The following LMOD1 variants were observed in gnomAD, a reference collection of about 807,000 sequenced individuals.
The protein encoded by LMOD1 is leiomodin 1.
LMOD1 carries 8 observed loss-of-function variants against 36.5 expected under a neutral mutation model. The ratio of observed to expected loss-of-function variants is 0.22; its 90% CI spans 0.13 to 0.40. The LOEUF is 0.40. Ranked by LOEUF, LMOD1 falls within the 10% of genes least tolerant of loss-of-function variation. The pLI is 1.00. For synonymous variants in LMOD1, 284 were observed against 288.7 expected (o/e 0.98, Z 0.17); for missense variants, 630 against 751.1 (o/e 0.84, Z 1.88).
chr1:201,926,974 A>G (rs1681835788), intron 1 of LMOD1, among the ~76,000 whole-genome samples: 1 of 152,206 alleles, frequency 6.6e-6, no homozygotes, highest in South Asian at 2.1e-4. Context: ...AACAAACAAG[A>G]AAATTGACAA....
chr1:201,940,748 A>ATTTTTT (rs34009358), intron 1 of LMOD1, among the ~76,000 whole-genome samples: 1 of 125,248 alleles, frequency 8.0e-6, no homozygotes, highest in Non-Finnish European at 1.6e-5. Context: ...CACGCCCAGC[A>ATTTTTT]TTTTTTTTTT....
chr1:201,898,276 G>T lies in LMOD1; in HGVS notation c.*96C>A. Reference sequence around the variant, plus strand: ...TGGCAGAATAGGGACATCCACAGCAGGTCAGCCAGGGATGGGGTGGGCAGG... The same window carrying T: ...TGGCAGAATAGGGACATCCACAGCATGTCAGCCAGGGATGGGGTGGGCAGG... On this transcript the variant is annotated 3_prime_UTR_variant, in exon 3 of 3. Transcript: ENST00000367288. 7.8e-7 allele frequency: 1 copy of T among 1,287,250 alleles called. No individual in the cohort carries two copies. Among genetic ancestry groups the T allele is most frequent in the East Asian group, 2.5e-5 (1 of 40,786 alleles). 79.7% of individuals were successfully genotyped at this position (1,287,250 alleles called of 1,614,324 possible).
Position 201,896,862 on chromosome 1 carries a change from G to A in LMOD1, c.*1510C>T. 1 of 371,184 alleles carries A rather than the reference G, an allele frequency of 2.7e-6. No individual in the cohort carries two copies. The highest frequency in any genetic ancestry group is 5.4e-6 in the Non-Finnish European group (1 of 184,704). The allele number at this position is 371,184 out of a possible 1,614,324, so 23.0% of individuals were successfully genotyped here. A position where few individuals can be genotyped will look rare whatever the true frequency, so the allele number is the denominator to read the frequency against. ...TGCCCTCTGGTTTTGGTCAGACCTA[G>A]CACAGCGATCTTGCTTCCTAGCTGG... is the stretch of plus-strand genomic sequence containing the variant. On this transcript the variant is annotated 3_prime_UTR_variant, in exon 3 of 3. Coordinates refer to ENST00000367288, the MANE Select transcript of LMOD1 (RefSeq NM_012134.3).
At position 201,943,194 on chromosome 1, in the gene LMOD1, T is replaced by G. The variant is rs1237481424; in HGVS notation, c.261+2886A>C. Among the ~76,000 whole-genome samples, 3 of 152,242 alleles carry G rather than the reference T, an allele frequency of 2.0e-5. No individual in the cohort carries two copies. In the East Asian group the frequency reaches 5.8e-4, roughly 29 times the overall value. ...ATTACAAATTCTTCAGGGCAGGGACTGACATTACTGTCTTTTTTGCACCCT... is the reference window on the plus strand; with the variant it reads ...ATTACAAATTCTTCAGGGCAGGGACGGACATTACTGTCTTTTTTGCACCCT... On this transcript the variant is annotated intron_variant, in intron 1 of 2. Transcript: ENST00000367288.
chr1:201,926,268 G>A (rs573603105), intron 1 of LMOD1, among the ~76,000 whole-genome samples: 10 of 152,280 alleles, frequency 6.6e-5, no homozygotes, highest in South Asian at 2.1e-4. Flanking sequence ...AAGTCTCTGC[G>A]TTTCCAGTGC....
rs138301858 is a variant in LMOD1, at chr1:201,915,849, C to T, written c.262-15098G>A. 4.3e-4 allele frequency among the ~76,000 whole-genome samples: 65 copies of T among 152,254 alleles called. No individual in the cohort carries two copies. In the East Asian group the frequency reaches 6.2e-3, roughly 14 times the overall value. On this transcript the variant is annotated intron_variant, in intron 1 of 2. Coordinates refer to ENST00000367288, the MANE Select transcript of LMOD1 (RefSeq NM_012134.3). ...TCGGTTTCGCTGACCTCCTCCAGGG[C>T]GATCCTTGCACGGCAGCCCCAGGGA...
At chr1:201,929,851 G>A (rs1681889432) in intron 1 of LMOD1, among the ~76,000 whole-genome samples, 1 of 152,206 alleles carries the variant, frequency 6.6e-6, no homozygotes, top group Admixed American at 6.5e-5. Flanking sequence ...GAAATGATGT[G>A]TTACATGCGA....
At chr1:201,909,150 C>G (rs1681453338) in intron 1 of LMOD1, among the ~76,000 whole-genome samples, 1 of 152,176 alleles carries the variant, frequency 6.6e-6, no homozygotes, top group South Asian at 2.1e-4. Flanking sequence ...GCAGGCATCC[C>G]AGATGCCCAT....
intron 1 of LMOD1, among the ~76,000 whole-genome samples, chr1:201,916,076 C>T (rs1276220438): frequency 1.3e-5 from 2 of 151,984 alleles, no homozygotes; most frequent in South Asian, 2.1e-4. Context: ...CACCACCACA[C>T]CCAGCGGATT....
intron 1 of LMOD1, among the ~76,000 whole-genome samples, chr1:201,918,742 T>C (rs527393819): frequency 2.0e-5 from 3 of 152,220 alleles, no homozygotes; most frequent in Non-Finnish European, 2.9e-5. Context: ...AACAGCACAA[T>C]GAACCTCAAG....
At chr1:201,909,276 C>T (rs1681455233) in intron 1 of LMOD1, among the ~76,000 whole-genome samples, 1 of 152,194 alleles carries the variant, frequency 6.6e-6, no homozygotes, top group Non-Finnish European at 1.5e-5. Context: ...CATGCAGCCC[C>T]CTGGCAAAAT....
intron 1 of LMOD1, among the ~76,000 whole-genome samples, chr1:201,916,867 T>G (rs1010832814): frequency 6.6e-6 from 1 of 152,140 alleles, no homozygotes; most frequent in Admixed American, 6.5e-5. Context: ...AGCTCCAGCA[T>G]AAACAGAAAC....
In LMOD1 at chr1:201,936,708, T is replaced by A. The variant is rs193127407; in HGVS notation, c.261+9372A>T. On this transcript the variant is annotated intron_variant, in intron 1 of 2. Coordinates refer to ENST00000367288, the MANE Select transcript of LMOD1 (RefSeq NM_012134.3). ...TCCCAACACTTTGGGAGACCGAGGCTGGTGGATCACTCAAAGTCAGGAGTT... is the reference window on the plus strand; with the variant it reads ...TCCCAACACTTTGGGAGACCGAGGCAGGTGGATCACTCAAAGTCAGGAGTT... 2.3e-3 allele frequency among the ~76,000 whole-genome samples: 351 copies of A among 152,164 alleles called. 1 individual carries two copies. Among genetic ancestry groups the A allele is most frequent in the African/African-American group, 8.2e-3 (340 of 41,510 alleles).
chr1:201,913,269 A>G (rs1025358648), intron 1 of LMOD1, among the ~76,000 whole-genome samples: 2 of 152,224 alleles, frequency 1.3e-5, no homozygotes, highest in Admixed American at 1.3e-4. Context: ...GTCCTCTGTT[A>G]GCTACTTTCT....
intron 1 of LMOD1, among the ~76,000 whole-genome samples, chr1:201,924,635 A>G (rs931881995): frequency 1.6e-5 from 2 of 124,310 alleles, no homozygotes; most frequent in African/African-American, 5.5e-5. Context: ...GAAAGGAAGA[A>G]TAAAGAAAGA....
rs1342574482 is a variant in LMOD1 at position 201,899,339 on chromosome 1, G to A, written c.1674C>T (p.Thr558=). ...GGACTTTGTCTCCCATCTTCCTCTGGGTAGCTGGTGAGAGTGAATTCTTCA... is the reference window on the plus strand; with the variant it reads ...GGACTTTGTCTCCCATCTTCCTCTGAGTAGCTGGTGAGAGTGAATTCTTCA... The part of the protein sequence containing the change: ...ENLKNSLSPA[T]QRKMGDKVLP... Residue 558 remains threonine, a synonymous_variant, in exon 2 of 3, where the codon ACC becomes ACT. Transcript: ENST00000367288. The surrounding 1 kb of genome is among the most constrained non-coding windows in gnomAD (Gnocchi z 6.3). 1.2e-6 allele frequency: 2 copies of A among 1,612,642 alleles called. No individual in the cohort carries two copies. The highest frequency in any genetic ancestry group is 8.5e-7 in the Non-Finnish European group (1 of 1,179,388).
intron 1 of LMOD1, among the ~76,000 whole-genome samples, chr1:201,931,796 G>C (rs903121168): frequency 6.6e-6 from 1 of 152,022 alleles, no homozygotes; most frequent in East Asian, 1.9e-4. Flanking sequence ...CAGCACTTTG[G>C]GAGGCTGAGG....
chr1:201,915,163 C>T (rs898564439), intron 1 of LMOD1, among the ~76,000 whole-genome samples: 24 of 152,326 alleles, frequency 1.6e-4, no homozygotes, highest in African/African-American at 5.5e-4. Flanking sequence ...GCTTCCCCAT[C>T]GGTTTCCACC....
At chr1:201,901,312 C>A (rs1681295285) in intron 1 of LMOD1, among the ~76,000 whole-genome samples, 1 of 151,148 alleles carries the variant, frequency 6.6e-6, no homozygotes, top group Admixed American at 6.6e-5. Context: ...TGAGACCAGC[C>A]TGGCCAACAT....
Sources: allele counts gnomAD v4.1 joint callset (sites outside exome capture counted in the v4.1 genomes callset), GRCh38; gene constraint gnomAD v4.1.1; non-coding constraint Gnocchi (gnomAD v3.1); transcripts MANE v1.5; gene names NCBI Gene and HGNC (gene_info 2026-07-23, HGNC 2026-07-21).